Variants in HPSE2 observed in about 807,000 individuals in gnomAD.
HPSE2 encodes the protein inactive heparanase-2.
In HPSE2, 38 loss-of-function variants were observed where a neutral mutation model predicts 60.5. The ratio of observed to expected loss-of-function variants is 0.63; its 90% CI spans 0.48 to 0.82. The LOEUF (loss-of-function observed/expected upper bound fraction) is 0.82, where lower values mean the gene tolerates loss of function less well. Among genes scored for constraint, HPSE2 ranks in the 40% least tolerant of loss-of-function variants. HPSE2 has a pLI of 0.00. For synonymous variants in HPSE2, 295 were observed against 293.2 expected (o/e 1.01, Z -0.06); for missense variants, 713 against 740.4 (o/e 0.96, Z 0.43).
At chr10:99,231,118 C>A (rs562092813) in intron 2 of HPSE2, among the ~76,000 whole-genome samples, 1 of 152,122 alleles carries the variant, frequency 6.6e-6, no homozygotes, top group Non-Finnish European at 1.5e-5. Context: ...ACTCAAGAAG[C>A]CTTAGCCTTG....
At chr10:99,015,260 C>T (rs1482707435) in intron 3 of HPSE2, among the ~76,000 whole-genome samples, 15 of 152,124 alleles carry the variant, frequency 9.9e-5, no homozygotes, top group East Asian at 1.9e-4. Flanking sequence ...GTCAGTGTGG[C>T]GATTCCTCAG....
rs188620451 is a variant in HPSE2 at position 99,093,020 on chromosome 10, G to A, written c.610+51218C>T. Among the ~76,000 whole-genome samples the A allele has an allele frequency of 3.7e-4, 56 of 152,250 alleles. 1 individual carries two copies. The highest frequency in any genetic ancestry group is 1.3e-3 in the African/African-American group (54 of 41,546). ...CGAAGTGGGCAGATCACAAGGTCAG[G>A]AGTTTGAGACCAGCCTGGCCAACAT... On this transcript the variant is annotated intron_variant, in intron 3 of 11. Coordinates refer to ENST00000370552, the MANE Select transcript of HPSE2 (RefSeq NM_021828.5).
chr10:99,305,975 G>GCACACACACACACACACACACACACA, the HPSE2 span, among the ~76,000 whole-genome samples: 34 of 48,104 alleles, frequency 7.1e-4, no homozygotes, highest in African/African-American at 2.0e-3. Flanking sequence ...GCGCGCGCGC[G>GCACACACACACACACACACACACACA]CGCGCACACA....
chr10:98,874,807 T>C (rs1952829410), intron 3 of HPSE2, among the ~76,000 whole-genome samples: 1 of 151,996 alleles, frequency 6.6e-6, no homozygotes, highest in Non-Finnish European at 1.5e-5. Context: ...TTATTGAGAG[T>C]TTTTAACATG....
intron 3 of HPSE2, among the ~76,000 whole-genome samples, chr10:98,838,211 C>G (rs1011187068): frequency 5.9e-5 from 9 of 152,116 alleles, no homozygotes; most frequent in African/African-American, 1.4e-4. Flanking sequence ...TAAATCCCAA[C>G]TCCACAGCTT....
intron 7 of HPSE2, among the ~76,000 whole-genome samples, chr10:98,634,041 C>A (rs1045205029): frequency 3.9e-5 from 6 of 152,184 alleles, no homozygotes; most frequent in African/African-American, 1.4e-4. Flanking sequence ...ACTGAAGATA[C>A]TTTCCTACTA....
chr10:98,788,503 C>T (rs7921826), intron 3 of HPSE2, among the ~76,000 whole-genome samples: 74,533 of 144,066 alleles, frequency 0.52, 20,923 homozygotes, highest in South Asian at 0.77. Context: ...GCTTTGTTTA[C>T]GTAAGCAAGC....
chr10:98,608,367 G>A (rs74154330), intron 9 of HPSE2, among the ~76,000 whole-genome samples: 7,916 of 152,270 alleles, frequency 0.052, 687 homozygotes, highest in African/African-American at 0.18. Context: ...ATCGGCGTGA[G>A]CTGTTGCAAC....
chr10:98,763,310 G>A (rs775566567), intron 3 of HPSE2, among the ~76,000 whole-genome samples: 32 of 151,598 alleles, frequency 2.1e-4, no homozygotes, highest in Non-Finnish European at 3.8e-4. Flanking sequence ...TCCCAAATTT[G>A]ATTTAAAAAA....
At chr10:99,081,805 T>G (rs374410056) in intron 3 of HPSE2, among the ~76,000 whole-genome samples, 6 of 151,980 alleles carry the variant, frequency 3.9e-5, no homozygotes, top group African/African-American at 1.4e-4. Context: ...CCTGGCTAAT[T>G]TTTTGTATTT....
intron 3 of HPSE2, among the ~76,000 whole-genome samples, chr10:98,881,704 C>A (rs1485789089): frequency 2.6e-5 from 4 of 152,006 alleles, no homozygotes; most frequent in Non-Finnish European, 4.4e-5. Flanking sequence ...ATAAACTGCA[C>A]TTATAGGAGA....
chr10:99,247,279 C>A, the HPSE2 span, among the ~76,000 whole-genome samples: 1 of 152,216 alleles, frequency 6.6e-6, no homozygotes, highest in South Asian at 2.1e-4. Flanking sequence ...TGGTAAAGAT[C>A]ACTTCCCAGG....
chr10:99,028,818 C>T (rs1314504293), intron 3 of HPSE2, among the ~76,000 whole-genome samples: 2 of 152,060 alleles, frequency 1.3e-5, no homozygotes, highest in Admixed American at 1.3e-4. Flanking sequence ...ATGGAGAACC[C>T]AGAAACAATC....
intron 4 of HPSE2, among the ~76,000 whole-genome samples, chr10:98,724,993 A>G (rs1949033526): frequency 6.6e-6 from 1 of 152,216 alleles, no homozygotes; most frequent in Non-Finnish European, 1.5e-5. Flanking sequence ...AAAAGACGAT[A>G]CAAACAAATG....
At chr10:98,590,403 A>T (rs1049763545) in intron 9 of HPSE2, among the ~76,000 whole-genome samples, 3 of 152,206 alleles carry the variant, frequency 2.0e-5, no homozygotes, top group African/African-American at 7.2e-5. Context: ...AGATTGCACC[A>T]CTGCACTCCA....
chr10:98,578,023 C>T (rs1396753300), intron 9 of HPSE2, among the ~76,000 whole-genome samples: 1 of 152,130 alleles, frequency 6.6e-6, no homozygotes, highest in Non-Finnish European at 1.5e-5. Flanking sequence ...TTCTATCTGT[C>T]CTTGACATTT....
chr10:99,146,131 C>T (rs1054247308), intron 2 of HPSE2, among the ~76,000 whole-genome samples: 1 of 152,006 alleles, frequency 6.6e-6, no homozygotes, highest in East Asian at 1.9e-4. Flanking sequence ...TAAGACAATC[C>T]AATAGAAGTC....
chr10:98,914,041 T>C (rs375031444), intron 3 of HPSE2, among the ~76,000 whole-genome samples: 1 of 152,194 alleles, frequency 6.6e-6, no homozygotes, highest in East Asian at 1.9e-4. Flanking sequence ...GAGGTTGATA[T>C]GGTTTGGCTG....
intron 9 of HPSE2, among the ~76,000 whole-genome samples, chr10:98,543,797 C>A (rs1323119622): frequency 1.3e-5 from 2 of 152,150 alleles, no homozygotes; most frequent in African/African-American, 4.8e-5. Flanking sequence ...AATATATATG[C>A]ACTCAATACA....
Sources: gnomAD v4.1 joint callset for allele counts (sites outside exome capture counted in the v4.1 genomes callset) on GRCh38, gnomAD v4.1.1 for gene constraint, MANE v1.5 for transcripts, NCBI Gene and HGNC (gene_info 2026-07-23, HGNC 2026-07-21) for gene names.